The following XIRP2 variants were observed in gnomAD, a reference collection of about 807,000 sequenced individuals.
XIRP2 encodes the protein xin actin-binding repeat-containing protein 2.
In XIRP2, 236 loss-of-function variants were observed where a neutral mutation model predicts 277.0. The ratio of observed to expected loss-of-function variants is 0.85; its 90% CI spans 0.77 to 0.95. The LOEUF (loss-of-function observed/expected upper bound fraction) is 0.95. Ranked by LOEUF, XIRP2 falls within the 40% of genes least tolerant of loss-of-function variation. The pLI, the probability that XIRP2 is intolerant of heterozygous loss-of-function variation, is 0.00. For synonymous variants in XIRP2, 1,490 were observed against 1,416.5 expected (o/e 1.05, Z -1.17); for missense variants, 4,640 against 4,157.5 (o/e 1.12, Z -3.19).
At chr2:167,029,826 G>A (rs1250266660) in intron 2 of XIRP2, among the ~76,000 whole-genome samples, 4 of 152,000 alleles carry the variant, frequency 2.6e-5, no homozygotes, top group African/African-American at 9.7e-5. Context: ...CTGTGAATCT[G>A]TCTGGTCCTG....
intron 2 of XIRP2, among the ~76,000 whole-genome samples, chr2:167,001,111 A>T (rs1176723515): frequency 6.6e-6 from 1 of 152,218 alleles, no homozygotes; most frequent in Admixed American, 6.5e-5. Flanking sequence ...TAACAATTAT[A>T]TACTAAGTTC....
intron 10 of XIRP2, among the ~76,000 whole-genome samples, chr2:167,257,172 A>G (rs77698598): frequency 0.021 from 3,142 of 151,964 alleles, 57 homozygotes; most frequent in South Asian, 0.076. Flanking sequence ...TATCACCAAT[A>G]CAGATGAGAC....
chr2:166,888,854 C>T lies in XIRP2; in HGVS notation c.-19+297C>T, dbSNP rs373321934. ...TAGTTAATCTCTCAGACTCAAAACACGTAAGTTTGGCTATATATTATATTT... is the reference window on the plus strand; with the variant it reads ...TAGTTAATCTCTCAGACTCAAAACATGTAAGTTTGGCTATATATTATATTT... On this transcript the variant is annotated intron_variant, in intron 1 of 10. Coordinates refer to ENST00000409195, the MANE Select transcript of XIRP2 (RefSeq NM_152381.6). Among the ~76,000 whole-genome samples, 39 of 152,238 alleles carry T rather than the reference C, an allele frequency of 2.6e-4. 1 individual carries two copies. The highest frequency in any genetic ancestry group is 6.5e-4 in the African/African-American group (27 of 41,532).
chr2:167,068,125 A>G (rs984563185), intron 2 of XIRP2, among the ~76,000 whole-genome samples: 2 of 152,032 alleles, frequency 1.3e-5, no homozygotes, highest in African/African-American at 4.8e-5. Flanking sequence ...GAATTTGCAT[A>G]TTTTCTAATG....
intron 2 of XIRP2, among the ~76,000 whole-genome samples, chr2:166,966,595 A>G (rs1030618372): frequency 3.3e-5 from 5 of 151,862 alleles, no homozygotes; most frequent in Non-Finnish European, 7.4e-5. Context: ...TGCTACTTCT[A>G]TATTTTTTAT....
Position 166,903,529 on chromosome 2 carries a change from G to A in XIRP2, c.47G>A (p.Trp16Ter), listed in dbSNP as rs1486889899. The change falls in exon 2 of 11, where the codon TGG (tryptophan) becomes TAG (stop). Residue 16 changes from tryptophan to a stop codon, truncating the protein, a stop_gained. Coordinates refer to ENST00000409195, the MANE Select transcript of XIRP2 (RefSeq NM_152381.6). LOFTEE classifies it high-confidence loss of function. ...TCCCTCAACCTCCTGAGGCAGAAAT[G>A]GGAATCTTGTGATTATCAGAGAAGT... ...KGSLNLLRQK[W>*]ESCDYQRSEC... 1 of 1,613,384 alleles carries A rather than the reference G, an allele frequency of 6.2e-7. No individual in the cohort carries two copies. The highest frequency in any genetic ancestry group is 8.5e-7 in the Non-Finnish European group (1 of 1,179,670).
At chr2:166,931,051 A>T (rs1685320869) in intron 2 of XIRP2, among the ~76,000 whole-genome samples, 1 of 152,196 alleles carries the variant, frequency 6.6e-6, no homozygotes, top group Non-Finnish European at 1.5e-5. Context: ...GGCAAATTGC[A>T]GGACATGTCA....
intron 2 of XIRP2, among the ~76,000 whole-genome samples, chr2:166,960,898 A>G (rs1686281728): frequency 6.6e-6 from 1 of 151,776 alleles, no homozygotes; most frequent in Non-Finnish European, 1.5e-5. Flanking sequence ...CCAGGCGTGT[A>G]TTAAACTCAT....
chr2:167,007,683 T>TCC (rs752692551), intron 2 of XIRP2, among the ~76,000 whole-genome samples: 63 of 108,820 alleles, frequency 5.8e-4, no homozygotes, highest in African/African-American at 3.2e-3. Flanking sequence ...ATGTACACTC[T>TCC]CTCTCTCTCT....
intron 3 of XIRP2, among the ~76,000 whole-genome samples, chr2:167,192,239 A>G (rs1312725150): frequency 6.6e-6 from 1 of 152,236 alleles, no homozygotes; most frequent in East Asian, 1.9e-4. Context: ...TAGATCTCAC[A>G]TTATAAAGTT....
At chr2:167,019,093 G>A (rs10188981) in intron 2 of XIRP2, among the ~76,000 whole-genome samples, 79,945 of 151,786 alleles carry the variant, frequency 0.53, 23,133 homozygotes, top group East Asian at 0.82. Flanking sequence ...TGAGAAATCT[G>A]TACAACACAG....
intron 2 of XIRP2, among the ~76,000 whole-genome samples, chr2:166,914,839 T>C (rs1221626747): frequency 6.6e-6 from 1 of 152,162 alleles, no homozygotes; most frequent in Non-Finnish European, 1.5e-5. Context: ...TTTTTTTCTA[T>C]TTGTAGTTAG....
chr2:167,166,863 T>C (rs1398040742), intron 3 of XIRP2, among the ~76,000 whole-genome samples: 1 of 152,192 alleles, frequency 6.6e-6, no homozygotes, highest in African/African-American at 2.4e-5. Flanking sequence ...ATTATATCAA[T>C]GGTGTTGTTG....
intron 2 of XIRP2, among the ~76,000 whole-genome samples, chr2:167,013,765 T>G (rs1463027076): frequency 6.6e-6 from 1 of 151,612 alleles, no homozygotes; most frequent in Non-Finnish European, 1.5e-5. Context: ...AGAAATGATA[T>G]AAGGATATCT....
intron 2 of XIRP2, among the ~76,000 whole-genome samples, chr2:166,981,768 C>T (rs1424572728): frequency 6.6e-6 from 1 of 152,142 alleles, no homozygotes; most frequent in Non-Finnish European, 1.5e-5. Flanking sequence ...AGTATGAAGT[C>T]ATCTTAAAGT....
chr2:167,004,315 T>C (rs192974764), intron 2 of XIRP2, among the ~76,000 whole-genome samples: 7 of 151,998 alleles, frequency 4.6e-5, no homozygotes. Context: ...AGGAATTTTG[T>C]ACTTTCCCAA....
At chr2:166,979,171 T>C (rs1686794149) in intron 2 of XIRP2, among the ~76,000 whole-genome samples, 1 of 152,076 alleles carries the variant, frequency 6.6e-6, no homozygotes, top group African/African-American at 2.4e-5. Flanking sequence ...TCTATTTTAA[T>C]TGGGAAAGAT....
At position 167,246,835 on chromosome 2, in the gene XIRP2, A is replaced by G; in HGVS notation, c.5443A>G (p.Asn1815Asp). ...TGACATCATCCCTGGAGATGTGCAT[A>G]ACACAGTTAAGGTTTTTATGACCGA... is the stretch of plus-strand genomic sequence containing the variant. ...ETDIIPGDVH[N>D]TVKVFMTEPQ... The change falls in exon 9 of 11, where the codon AAC becomes GAC. Residue 1815 changes from asparagine to aspartate, a missense_variant. By Grantham distance (23) the Asn-to-Asp change is conservative (BLOSUM62 1). Coordinates refer to ENST00000409195, the MANE Select transcript of XIRP2 (RefSeq NM_152381.6). 1.2e-6 allele frequency: 2 copies of G among 1,613,894 alleles called. No homozygotes were observed. Among genetic ancestry groups the G allele is most frequent in the Non-Finnish European group, 1.7e-6 (2 of 1,179,844 alleles).
At chr2:167,073,338 A>G (rs1689481912) in intron 2 of XIRP2, among the ~76,000 whole-genome samples, 1 of 152,134 alleles carries the variant, frequency 6.6e-6, no homozygotes, top group Admixed American at 6.5e-5. Context: ...TTTCTTTGTA[A>G]TATAAATAAC....
Sources: allele counts gnomAD v4.1 joint callset (sites outside exome capture counted in the v4.1 genomes callset), GRCh38; gene constraint gnomAD v4.1.1; transcripts MANE v1.5; gene names NCBI Gene and HGNC (gene_info 2026-07-23, HGNC 2026-07-21).